SLC9A9: variants seen among roughly 807,000 people sequenced by gnomAD.
The protein encoded by SLC9A9 is sodium/hydrogen exchanger 9.
SLC9A9 carries 62 observed loss-of-function variants against 77.8 expected under a neutral mutation model. The observed-to-expected ratio is 0.80, with a 90% CI of 0.65 to 0.98. SLC9A9 has a LOEUF of 0.98. SLC9A9 is among the 50% of genes least tolerant of loss of function. The pLI is 0.00. For synonymous variants in SLC9A9, 320 were observed against 283.5 expected, an observed-to-expected ratio of 1.13 and a Z score of -1.29; for missense variants, 775 against 774.9, an observed-to-expected ratio of 1.00 and a Z score of 0.00.
At chr3:143,625,416 G>T (rs934790136) in intron 6 of SLC9A9, among the ~76,000 whole-genome samples, 3 of 152,058 alleles carry the variant, frequency 2.0e-5, no homozygotes, top group African/African-American at 7.2e-5. Context: ...CCAAAACAGA[G>T]ATATAGACCA....
intron 12 of SLC9A9, among the ~76,000 whole-genome samples, chr3:143,400,160 AAAT>A (rs532260899): frequency 8.5e-4 from 129 of 152,296 alleles, no homozygotes; most frequent in African/African-American, 2.5e-3. Context: ...TACCCACACA[AAAT>A]AATAAAAATC....
At chr3:143,638,173 A>G (rs1369082080) in intron 6 of SLC9A9, among the ~76,000 whole-genome samples, 1 of 152,240 alleles carries the variant, frequency 6.6e-6, no homozygotes, top group Non-Finnish European at 1.5e-5. Context: ...ATGAAAAAGG[A>G]TAAACCTCAA....
chr3:143,774,216 C>T (rs1289669375), intron 4 of SLC9A9, among the ~76,000 whole-genome samples: 1 of 152,190 alleles, frequency 6.6e-6, no homozygotes, highest in Admixed American at 6.5e-5. Flanking sequence ...ATAATAACTA[C>T]AGGCCAACCA....
At chr3:143,491,690 T>C (rs1408618356) in intron 11 of SLC9A9, among the ~76,000 whole-genome samples, 1 of 152,216 alleles carries the variant, frequency 6.6e-6, no homozygotes, top group Non-Finnish European at 1.5e-5. Context: ...GGTGGCCATT[T>C]GGGCAGACAC....
intron 4 of SLC9A9, among the ~76,000 whole-genome samples, chr3:143,788,184 T>C (rs2008112820): frequency 6.6e-6 from 1 of 151,850 alleles, no homozygotes; most frequent in East Asian, 1.9e-4. Context: ...GGAAAAATAA[T>C]TAATTGGATG....
In SLC9A9 at chr3:143,591,667, T is replaced by A. The variant is rs1053697359; in HGVS notation, c.756-12944A>T. ...AATAAAGGTAGTTACTAACACAGAG[T>A]CAGAGGCTAGATATAAGGATGAACA... On this transcript the variant is annotated intron_variant, in intron 6 of 15. Coordinates refer to ENST00000316549, the MANE Select transcript of SLC9A9 (RefSeq NM_173653.4). Among the ~76,000 whole-genome samples, 5 of 145,180 alleles carry A rather than the reference T, an allele frequency of 3.4e-5. No homozygotes were observed. The South Asian group carries it at 1.0e-3, about 30-fold the overall frequency.
At chr3:143,558,856 G>T (rs887423563) in intron 8 of SLC9A9, among the ~76,000 whole-genome samples, 2 of 152,148 alleles carry the variant, frequency 1.3e-5, no homozygotes, top group African/African-American at 4.8e-5. Flanking sequence ...TGAGATCTGG[G>T]AGGGGGCAGG....
intron 8 of SLC9A9, among the ~76,000 whole-genome samples, chr3:143,562,362 T>C (rs1485253891): frequency 6.6e-6 from 1 of 151,864 alleles, no homozygotes; most frequent in Non-Finnish European, 1.5e-5. Context: ...AATTTGGGAG[T>C]GCAGGTTCAT....
chr3:143,781,858 A>G (rs1264303053), intron 4 of SLC9A9, among the ~76,000 whole-genome samples: 1 of 152,216 alleles, frequency 6.6e-6, no homozygotes, highest in African/African-American at 2.4e-5. Flanking sequence ...AGGAATGAGT[A>G]AGTAAGGGTG....
intron 11 of SLC9A9, among the ~76,000 whole-genome samples, chr3:143,489,056 A>G (rs2035698722): frequency 6.6e-6 from 1 of 152,020 alleles, no homozygotes; most frequent in South Asian, 2.1e-4. Context: ...ACATAAAGTC[A>G]ACATGCAAAA....
chr3:143,485,531 C>A lies in SLC9A9; in HGVS notation c.1315+8122G>T, dbSNP rs79100426. 8.0e-3 allele frequency among the ~76,000 whole-genome samples: 1,221 copies of A among 152,220 alleles called. 35 individuals carry two copies. The East Asian group carries it at 0.12, about 15-fold the overall frequency. On this transcript the variant is annotated intron_variant, in intron 11 of 15. Transcript: ENST00000316549. ...AAAGACCTGAGGAGACCTTATGTTTCTATCTCAGGCTGATTCCCAGAACAG... is the reference window on the plus strand; with the variant it reads ...AAAGACCTGAGGAGACCTTATGTTTATATCTCAGGCTGATTCCCAGAACAG...
chr3:143,804,510 C>T (rs1273178693), intron 2 of SLC9A9, among the ~76,000 whole-genome samples: 3 of 152,146 alleles, frequency 2.0e-5, no homozygotes, highest in Non-Finnish European at 4.4e-5. Context: ...GGGTACAAGA[C>T]ACCCCTTTCA....
chr3:143,572,690 T>C (rs942754272), intron 8 of SLC9A9, among the ~76,000 whole-genome samples: 2 of 152,238 alleles, frequency 1.3e-5, no homozygotes, highest in Non-Finnish European at 2.9e-5. Flanking sequence ...TAATGTAGTC[T>C]TGATTATAGT....
chr3:143,442,485 G>T (rs767589173), intron 12 of SLC9A9, among the ~76,000 whole-genome samples: 1 of 152,166 alleles, frequency 6.6e-6, no homozygotes, highest in Non-Finnish European at 1.5e-5. Flanking sequence ...ACTTTGGGAG[G>T]CTGAGGCGGG....
intron 6 of SLC9A9, among the ~76,000 whole-genome samples, chr3:143,637,989 T>G (rs762356550): frequency 6.6e-6 from 1 of 152,216 alleles, no homozygotes; most frequent in African/African-American, 2.4e-5. Context: ...TAACTTTTTC[T>G]TATAAGTTAT....
chr3:143,542,476 T>C (rs867571425), intron 9 of SLC9A9, among the ~76,000 whole-genome samples: 6 of 152,182 alleles, frequency 3.9e-5, no homozygotes, highest in African/African-American at 1.4e-4. Context: ...AACAGGTAAC[T>C]GGGATGGAAA....
chr3:143,494,531 T>C (rs934060209), intron 10 of SLC9A9, among the ~76,000 whole-genome samples: 1 of 152,244 alleles, frequency 6.6e-6, no homozygotes, highest in Non-Finnish European at 1.5e-5. Context: ...AGATGTTTAA[T>C]TGGAACACAG....
chr3:143,820,395 G>A (rs1019661644), intron 2 of SLC9A9, among the ~76,000 whole-genome samples: 9 of 152,190 alleles, frequency 5.9e-5, no homozygotes, highest in Non-Finnish European at 1.0e-4. Context: ...TATGTTTTGC[G>A]TAAGATTCTT....
At chr3:143,602,928 A>G (rs997434342) in intron 6 of SLC9A9, among the ~76,000 whole-genome samples, 14 of 152,270 alleles carry the variant, frequency 9.2e-5, no homozygotes, top group Non-Finnish European at 4.4e-5. Flanking sequence ...ACATGTGAGC[A>G]TAATGGCGCT....
Sources: allele counts gnomAD v4.1 joint callset (sites outside exome capture counted in the v4.1 genomes callset), GRCh38; gene constraint gnomAD v4.1.1; transcripts MANE v1.5; gene names NCBI Gene and HGNC (gene_info 2026-07-23, HGNC 2026-07-21).